Variants in COL1A1 observed in about 807,000 individuals in gnomAD.
COL1A1 encodes collagen type I alpha 1 chain, also known as collagen alpha-1(I) chain.
In COL1A1, 21 loss-of-function variants were observed where a neutral mutation model predicts 195.7. The ratio of observed to expected loss-of-function variants is 0.11; its 90% CI spans 0.08 to 0.15. The LOEUF (loss-of-function observed/expected upper bound fraction) is 0.15. Ranked by LOEUF, COL1A1 falls within the 10% of genes least tolerant of loss-of-function variation. The pLI, the probability that COL1A1 is intolerant of heterozygous loss-of-function variation, is 1.00. For synonymous variants in COL1A1, 749 were observed against 747.3 expected (o/e 1.00, Z -0.04); for missense variants, 1,365 against 2,051.0 (o/e 0.67, Z 6.46).
rs903359536 is a variant in COL1A1, at chr17:50,189,826, G to C, written c.2613+33C>G. ...CTGCCACCGCTGCCTGGGGAGAGGG[G>C]AGAGGCTCAACAGAGAGGCGGGTGA... On this transcript the variant is annotated intron_variant, in intron 37 of 50. Transcript: ENST00000225964. The surrounding 1 kb of genome is among the most constrained non-coding windows in gnomAD (Gnocchi z 5.5). 2.7e-5 allele frequency: 43 copies of C among 1,612,590 alleles called. No individual in the cohort carries two copies. The highest frequency in any genetic ancestry group is 3.6e-5 in the Non-Finnish European group (43 of 1,179,308).
chr17:50,192,108 G>A, intron 29 of COL1A1, 84 bp from the exon 30 acceptor site: 1 of 1,453,124 alleles, frequency 6.9e-7, no homozygotes, highest in Non-Finnish European at 9.5e-7. Flanking sequence ...TTCCTCCTGG[G>A]GTCTGGCCGT....
intron 1 of COL1A1, chr17:50,200,337 C>T: frequency 2.8e-6 from 1 of 357,316 alleles, no homozygotes; most frequent in South Asian, 2.3e-5. Flanking sequence ...GTGGTAGAGA[C>T]AGGAGGAGGG....
In COL1A1 at chr17:50,195,783, A is replaced by C; in HGVS notation, c.1057-118T>G. Reference sequence around the variant, plus strand: ...GAGCAATGATCAGGACTCTAAGATCAGAGACGGAGAACCCAGGACAAAGGT... The same window carrying C: ...GAGCAATGATCAGGACTCTAAGATCCGAGACGGAGAACCCAGGACAAAGGT... On this transcript the variant is annotated intron_variant, in intron 16 of 50. Coordinates refer to ENST00000225964, the MANE Select transcript of COL1A1 (RefSeq NM_000088.4). The surrounding 1 kb of genome is among the most constrained non-coding windows in gnomAD (Gnocchi z 4.3). 1 of 1,347,372 alleles carries C rather than the reference A, an allele frequency of 7.4e-7. No homozygotes were observed. The highest frequency in any genetic ancestry group is 1.0e-6 in the Non-Finnish European group (1 of 959,956). The allele number at this position is 1,347,372 out of a possible 1,614,324, so 83.5% of individuals were successfully genotyped here. A position where few individuals can be genotyped will look rare whatever the true frequency, so the allele number is the denominator to read the frequency against.
chr17:50,189,329 C>T lies in COL1A1; in HGVS notation c.2829+48G>A, dbSNP rs761613062. 1.9e-6 allele frequency: 3 copies of T among 1,613,590 alleles called. No individual in the cohort carries two copies. Among genetic ancestry groups the T allele is most frequent in the African/African-American group, 2.7e-5 (2 of 74,838 alleles). On this transcript the variant is annotated intron_variant, in intron 39 of 50. Coordinates refer to ENST00000225964, the MANE Select transcript of COL1A1 (RefSeq NM_000088.4). The surrounding 1 kb of genome is among the most constrained non-coding windows in gnomAD (Gnocchi z 5.5). ...CAGAGAGCAGCACAGGGACCCCTCC[C>T]CAGCTCTGCACACCTCCGGAGCTGC...
rs138557594 is a variant in COL1A1, at chr17:50,185,525, C to T, written c.4372G>A (p.Val1458Ile). The change falls in exon 51 of 51, where the codon GTT (valine) becomes ATT (isoleucine). Residue 1458 changes from valine to isoleucine, a missense_variant. Coordinates refer to ENST00000225964, the MANE Select transcript of COL1A1 (RefSeq NM_000088.4). ...GTTTACAGGAAGCAGACAGGGCCAA[C>T]GTCGAAGCCGAATTCCTGGTCTGGG... ...GAPDQEFGFD[V>I]GPVCFL The T allele has an allele frequency of 9.8e-5, 158 of 1,613,184 alleles. No individual in the cohort carries two copies. The highest frequency in any genetic ancestry group is 1.2e-4 in the Non-Finnish European group (146 of 1,179,926).
At chr17:50,198,671 A>C in intron 5 of COL1A1, 167 bp from the exon 6 acceptor site, 2 of 664,592 alleles carry the variant, frequency 3.0e-6, no homozygotes, top group Non-Finnish European at 5.4e-6. Context: ...ATCTAATCTA[A>C]TGAGACAATC....
intron 25 of COL1A1, chr17:50,193,629 A>C: frequency 2.6e-6 from 1 of 378,114 alleles, no homozygotes; most frequent in Non-Finnish European, 5.1e-6. Flanking sequence ...TTACAGGTGC[A>C]CACCACCACA....
rs536196631 is a variant in COL1A1 at position 50,184,351 on chromosome 17, G to A, written c.*1151C>T. 34 of 231,896 alleles carry A rather than the reference G, an allele frequency of 1.5e-4. No individual in the cohort carries two copies. In the East Asian group the frequency reaches 2.0e-3, roughly 14 times the overall value. 14.4% of individuals were successfully genotyped at this position (231,896 alleles called of 1,614,324 possible). On this transcript the variant is annotated 3_prime_UTR_variant, in exon 51 of 51. Coordinates refer to ENST00000225964, the MANE Select transcript of COL1A1 (RefSeq NM_000088.4). ...CAGAGGAGAGAGGTCGGAGAGCAGA[G>A]GCCTGAGAAGCCAGAGGCAGGTGGA...
Position 50,190,805 on chromosome 17 carries a change from C to T in COL1A1, c.2343+12G>A, listed in dbSNP as rs373528389. On this transcript the variant is annotated intron_variant, in intron 33 of 50. Coordinates refer to ENST00000225964, the MANE Select transcript of COL1A1 (RefSeq NM_000088.4). The surrounding 1 kb of genome is among the most constrained non-coding windows in gnomAD (Gnocchi z 4.7). ...TGTGTTAGGGCAGAAGGTGGGGAGGCGGCCACCTCACCTTGTCACCAGGGG... is the reference window on the plus strand; with the variant it reads ...TGTGTTAGGGCAGAAGGTGGGGAGGTGGCCACCTCACCTTGTCACCAGGGG... The T allele has an allele frequency of 1.3e-5, 21 of 1,603,856 alleles. No homozygotes were observed. The highest frequency in any genetic ancestry group is 1.7e-4 in the Middle Eastern group (1 of 6,038).
At position 50,194,148 on chromosome 17, in the gene COL1A1, A is replaced by G. The variant is rs772655468; in HGVS notation, c.1650T>C (p.Asp550=). 9 of 1,613,698 alleles carry G rather than the reference A, an allele frequency of 5.6e-6. No homozygotes were observed. Among genetic ancestry groups the G allele is most frequent in the South Asian group, 2.2e-5 (2 of 91,058 alleles). Residue 550 remains aspartate (D), a synonymous_variant, in exon 24 of 51, where the codon GAT becomes GAC. Coordinates refer to ENST00000225964, the MANE Select transcript of COL1A1 (RefSeq NM_000088.4). The surrounding 1 kb of genome is among the most constrained non-coding windows in gnomAD (Gnocchi z 6.8). ...LTGSPGSPGP[D]GKTGPPGPAG... ...TACTTACAGGGGGGCCAGTTTTGCCATCAGGACCAGGGCTGCCAGGGCTTC... is the reference window on the plus strand; with the variant it reads ...TACTTACAGGGGGGCCAGTTTTGCCGTCAGGACCAGGGCTGCCAGGGCTTC...
At position 50,188,223 on chromosome 17, in the gene COL1A1, C is replaced by T; in HGVS notation, c.3208-74G>A. The T allele has an allele frequency of 7.4e-7, 1 of 1,353,622 alleles. No individual in the cohort carries two copies. Among genetic ancestry groups the T allele is most frequent in the Non-Finnish European group, 1.0e-6 (1 of 995,102 alleles). The allele number at this position is 1,353,622 out of a possible 1,614,324, so 83.9% of individuals were successfully genotyped here. On this transcript the variant is annotated intron_variant, in intron 43 of 50. Transcript: ENST00000225964. The surrounding 1 kb of genome is among the most constrained non-coding windows in gnomAD (Gnocchi z 5.6). Reference sequence around the variant, plus strand: ...CTGGGGCTGCAGGATGAGGCCTCCCCTCTGCTGGATCTCTCTCTCCTCAGC... The same window carrying T: ...CTGGGGCTGCAGGATGAGGCCTCCCTTCTGCTGGATCTCTCTCTCCTCAGC...
Position 50,184,965 on chromosome 17 carries a change from C to G in COL1A1, c.*537G>C, listed in dbSNP as rs912338820. ...CTTTGGCAGTCTGAGAACCCCAGGT[C>G]CCCCAGGGCCTGGGGGTGCTGGGCG... On this transcript the variant is annotated 3_prime_UTR_variant, in exon 51 of 51. Coordinates refer to ENST00000225964, the MANE Select transcript of COL1A1 (RefSeq NM_000088.4). 2 of 228,264 alleles carry G rather than the reference C, an allele frequency of 8.8e-6. No individual in the cohort carries two copies. The highest frequency in any genetic ancestry group is 1.7e-5 in the Non-Finnish European group (2 of 115,268). The allele number at this position is 228,264 out of a possible 1,614,324, so 14.1% of individuals were successfully genotyped here.
chr17:50,191,183 C>T (rs1366297573), intron 32 of COL1A1, among the ~76,000 whole-genome samples, 200 bp downstream of exon 32: 1 of 152,084 alleles, frequency 6.6e-6, no homozygotes, highest in African/African-American at 2.4e-5. Context: ...CTCTCATCAC[C>T]ATGGTAACCC....
intron 46 of COL1A1, 59 bp from the exon 47 acceptor site, chr17:50,187,181 G>T: frequency 7.3e-7 from 1 of 1,376,740 alleles, no homozygotes; most frequent in Non-Finnish European, 1.0e-6. Context: ...CCCCAGCTCT[G>T]GAGGAGAGGC....
Position 50,186,990 on chromosome 17 carries a change from G to A in COL1A1, c.3531+25C>T, listed in dbSNP as rs1906602317. 1.9e-6 allele frequency: 3 copies of A among 1,611,234 alleles called. No individual in the cohort carries two copies. Among genetic ancestry groups the A allele is most frequent in the South Asian group, 2.2e-5 (2 of 90,980 alleles). On this transcript the variant is annotated intron_variant, in intron 47 of 50. Transcript: ENST00000225964. This position sits in a 1 kb window ranked among gnomAD's most constrained non-coding sequence, Gnocchi z 5.3. ...TGCTTTGGGGGCTGGAGGGCCATGAGCAGAGGGGATGAGGGGCTACATACA... is the reference window on the plus strand; with the variant it reads ...TGCTTTGGGGGCTGGAGGGCCATGAACAGAGGGGATGAGGGGCTACATACA...
Position 50,188,483 on chromosome 17 carries a change from A to T in COL1A1, c.3207+47T>A, listed in dbSNP as rs373830745. 21 of 1,563,188 alleles carry T rather than the reference A, an allele frequency of 1.3e-5. No homozygotes were observed. In the African/African-American group the frequency reaches 2.6e-4, roughly 19 times the overall value. On this transcript the variant is annotated intron_variant, in intron 43 of 50. Coordinates refer to ENST00000225964, the MANE Select transcript of COL1A1 (RefSeq NM_000088.4). The surrounding 1 kb of genome is among the most constrained non-coding windows in gnomAD (Gnocchi z 5.6). Reference sequence around the variant, plus strand: ...CCCAGGCCTCTAAGGAGGCCTGAAGAGTCCCTGGCCTGACCAGGTACAGGG... The same window carrying T: ...CCCAGGCCTCTAAGGAGGCCTGAAGTGTCCCTGGCCTGACCAGGTACAGGG...
Position 50,186,959 on chromosome 17 carries a change from T to C in COL1A1, c.3532-37A>G. ...GGGAAGAGAGTGGGGATTACCGGCATCCAAGTGCTTTGGGGGCTGGAGGGC... is the reference window on the plus strand; with the variant it reads ...GGGAAGAGAGTGGGGATTACCGGCACCCAAGTGCTTTGGGGGCTGGAGGGC... On this transcript the variant is annotated intron_variant, in intron 47 of 50. Transcript: ENST00000225964. This position sits in a 1 kb window ranked among gnomAD's most constrained non-coding sequence, Gnocchi z 5.3. 1 of 1,612,408 alleles carries C rather than the reference T, an allele frequency of 6.2e-7. No homozygotes were observed. Among genetic ancestry groups the C allele is most frequent in the Non-Finnish European group, 8.5e-7 (1 of 1,179,116 alleles).
At chr17:50,193,403 C>T (rs2144567008) in intron 25 of COL1A1, 2 of 403,038 alleles carry the variant, frequency 5.0e-6, no homozygotes, top group South Asian at 6.0e-5. Context: ...GGTGGAGGGC[C>T]ACCAACAACA....
In COL1A1 at chr17:50,195,497, A is replaced by T; in HGVS notation, c.1156-19T>A. ...GGTTTCCCTGTGGCACAGAGAAAGG[A>T]GTGTCAGCAACAGGCAAGGACTCTG... On this transcript the variant is annotated intron_variant, in intron 17 of 50. Transcript: ENST00000225964. The surrounding 1 kb of genome is among the most constrained non-coding windows in gnomAD (Gnocchi z 4.3). 1 of 1,614,014 alleles carries T rather than the reference A, an allele frequency of 6.2e-7. No individual in the cohort carries two copies.
Sources: gnomAD v4.1 joint callset for allele counts (sites outside exome capture counted in the v4.1 genomes callset) on GRCh38, gnomAD v4.1.1 for gene constraint, Gnocchi (gnomAD v3.1) non-coding constraint, MANE v1.5 for transcripts, NCBI Gene and HGNC (gene_info 2026-07-23, HGNC 2026-07-21) for gene names.